NREP: variants seen among roughly 807,000 people sequenced by gnomAD.
NREP encodes the protein neuronal regeneration related protein.
NREP carries 5 observed loss-of-function variants against 8.6 expected under a neutral mutation model. The observed-to-expected ratio is 0.58, with a 90% CI of 0.30 to 1.22. The LOEUF (loss-of-function observed/expected upper bound fraction) is 1.22, where lower values mean the gene tolerates loss of function less well. NREP is among the 50% of genes most tolerant of loss of function. NREP has a pLI of 0.07. For synonymous variants in NREP, 27 were observed against 28.0 expected, an observed-to-expected ratio of 0.96 and a Z score of 0.11; for missense variants, 86 against 82.5, an observed-to-expected ratio of 1.04 and a Z score of -0.17.
chr5:111,863,490 G>T (rs1171082266), intron 2 of NREP, among the ~76,000 whole-genome samples: 1 of 152,020 alleles, frequency 6.6e-6, no homozygotes, highest in Non-Finnish European at 1.5e-5. Context: ...TAAAGATTTG[G>T]GCATAGATGA....
chr5:111,793,928 T>A (rs1751814378), intron 2 of NREP, among the ~76,000 whole-genome samples: 1 of 152,132 alleles, frequency 6.6e-6, no homozygotes, highest in Admixed American at 6.5e-5. Context: ...TGGTGGCATA[T>A]GCCTGTAGTC....
chr5:111,850,525 A>G (rs977649379), intron 2 of NREP, among the ~76,000 whole-genome samples: 1 of 151,954 alleles, frequency 6.6e-6, no homozygotes, highest in Non-Finnish European at 1.5e-5. Context: ...TTCCAAGGCA[A>G]TATTATTTTT....
At chr5:111,976,867 G>T in exon 1 of NREP, 1 of 676,810 alleles carries the variant, frequency 1.5e-6, no homozygotes, top group Non-Finnish European at 2.5e-6. Context: ...TGTTTCTTTT[G>T]ATAAATAGCA....
intron 2 of NREP, among the ~76,000 whole-genome samples, chr5:111,951,124 A>G (rs1237932100): frequency 1.3e-5 from 2 of 152,102 alleles, no homozygotes; most frequent in African/African-American, 4.8e-5. Context: ...AATAAATTGT[A>G]TCATGCTGTA....
intron 3 of NREP, chr5:111,734,871 C>A: frequency 2.2e-6 from 1 of 446,044 alleles, no homozygotes; most frequent in Non-Finnish European, 4.0e-6. Context: ...TTGTTTGTTT[C>A]AGAAATTATG....
intron 3 of NREP, chr5:111,734,908 A>C (rs370942383): frequency 4.7e-6 from 2 of 428,452 alleles, no homozygotes; most frequent in Non-Finnish European, 8.2e-6. Flanking sequence ...AAATTTTACA[A>C]ATTTTCTTGA....
intron 2 of NREP, among the ~76,000 whole-genome samples, chr5:111,830,383 G>A (rs1036145450): frequency 4.6e-5 from 7 of 152,334 alleles, no homozygotes; most frequent in African/African-American, 1.7e-4. Context: ...CACTGGAAGA[G>A]TCAATCCTAA....
chr5:111,883,438 C>T (rs1754142993), intron 2 of NREP, among the ~76,000 whole-genome samples: 1 of 151,984 alleles, frequency 6.6e-6, no homozygotes, highest in Admixed American at 6.6e-5. Context: ...AACAAGGATA[C>T]CCAGGAATTG....
chr5:111,831,696 T>G (rs992924387), intron 2 of NREP, among the ~76,000 whole-genome samples: 2 of 152,202 alleles, frequency 1.3e-5, no homozygotes, highest in Non-Finnish European at 2.9e-5. Context: ...ATAACTAAAA[T>G]GAAAGCAGTA....
intron 2 of NREP, among the ~76,000 whole-genome samples, chr5:111,809,553 G>A (rs952509530): frequency 1.3e-5 from 2 of 152,128 alleles, no homozygotes; most frequent in African/African-American, 4.8e-5. Context: ...TTGTGAGAAT[G>A]GATCAGTTTC....
rs946164964 is a variant in NREP at position 111,812,580 on chromosome 5, G to C, written c.136-77073C>G. ...AAACAATTTAAGCAATGACTTAGAA[G>C]TAACAGATTTTTAAATTTTACCAAA... On this transcript the variant is annotated intron_variant, in intron 2 of 3. Transcript: ENST00000395634. Among the ~76,000 whole-genome samples the C allele has an allele frequency of 3.9e-5, 6 of 152,212 alleles. No homozygotes were observed. In the South Asian group the frequency reaches 1.2e-3, roughly 32 times the overall value.
intron 2 of NREP, among the ~76,000 whole-genome samples, chr5:111,909,203 G>A (rs1581209464): frequency 6.6e-6 from 1 of 151,864 alleles, no homozygotes. Flanking sequence ...AGTTTCTTTT[G>A]CTGCCATAAG....
At chr5:111,823,663 C>T (rs1419945677) in intron 2 of NREP, among the ~76,000 whole-genome samples, 7 of 152,078 alleles carry the variant, frequency 4.6e-5, no homozygotes, top group Non-Finnish European at 7.4e-5. Context: ...CTGAGCTGAG[C>T]GCTATAAGAT....
At chr5:111,813,882 A>C (rs558236721) in intron 2 of NREP, among the ~76,000 whole-genome samples, 1 of 152,180 alleles carries the variant, frequency 6.6e-6, no homozygotes, top group East Asian at 1.9e-4. Flanking sequence ...GGTATATACT[A>C]TATTCCAGAT....
chr5:111,868,038 A>C (rs1753707264), intron 2 of NREP, among the ~76,000 whole-genome samples: 1 of 152,138 alleles, frequency 6.6e-6, no homozygotes, highest in African/African-American at 2.4e-5. Context: ...TTCAAGAAAG[A>C]AAGTTATAAA....
In NREP at chr5:111,958,531, A is replaced by G. The variant is rs574212186; in HGVS notation, c.135+16743T>C. On this transcript the variant is annotated intron_variant, in intron 2 of 3. Transcript: ENST00000395634. ...TTCAAACATTTATACTTATTTTTAC[A>G]CTTAATAGCCAATTTAAAAAATTTC... Among the ~76,000 whole-genome samples the G allele has an allele frequency of 3.5e-4, 53 of 152,094 alleles. No homozygotes were observed. The Middle Eastern group carries it at 0.01, about 29-fold the overall frequency.
intron 2 of NREP, among the ~76,000 whole-genome samples, chr5:111,817,394 A>G (rs942158858): frequency 2.6e-5 from 4 of 152,194 alleles, no homozygotes; most frequent in African/African-American, 4.8e-5. Context: ...ATTTTGATGC[A>G]TGCTGTAAGA....
At chr5:111,948,473 T>G (rs374050426) in intron 2 of NREP, among the ~76,000 whole-genome samples, 1 of 152,124 alleles carries the variant, frequency 6.6e-6, no homozygotes, top group Non-Finnish European at 1.5e-5. Flanking sequence ...TGGTTCTATA[T>G]CAACTATCTA....
chr5:111,829,881 C>G (rs760671191), intron 2 of NREP, among the ~76,000 whole-genome samples: 1 of 152,172 alleles, frequency 6.6e-6, no homozygotes, highest in Non-Finnish European at 1.5e-5. Context: ...CCATGGGAAA[C>G]ACAGATGAGG....
Sources: gnomAD v4.1 joint callset for allele counts (sites outside exome capture counted in the v4.1 genomes callset) on GRCh38, gnomAD v4.1.1 for gene constraint, MANE v1.5 for transcripts, NCBI Gene and HGNC (gene_info 2026-07-23, HGNC 2026-07-21) for gene names.